PTPRA: variants seen among roughly 807,000 people sequenced by gnomAD.
PTPRA encodes protein tyrosine phosphatase receptor type A.
In PTPRA, 25 loss-of-function variants were observed where a neutral mutation model predicts 104.8. The observed-to-expected ratio is 0.24, with a 90% confidence interval of 0.17 to 0.33. The LOEUF is 0.33. PTPRA is among the 10% of genes least tolerant of loss of function. The pLI, the probability that PTPRA is intolerant of heterozygous loss-of-function variation, is 1.00. For synonymous variants in PTPRA, 323 were observed against 368.9 expected (o/e 0.88, Z 1.43); for missense variants, 765 against 1,015.3 (o/e 0.75, Z 3.35).
chr20:2,969,584 GCGGCT>G (rs1241454518), intron 5 of PTPRA, among the ~76,000 whole-genome samples: 4 of 142,228 alleles, frequency 2.8e-5, no homozygotes, highest in East Asian at 2.3e-4. Flanking sequence ...GCCGGGCGCG[GCGGCT>G]CATGCCTGTA....
chr20:3,031,661 G>A (rs1042556836), intron 20 of PTPRA, among the ~76,000 whole-genome samples: 2 of 152,002 alleles, frequency 1.3e-5, no homozygotes, highest in Non-Finnish European at 2.9e-5. Flanking sequence ...TCCCACCTCA[G>A]TATTCTCTTT....
At position 3,035,483 on chromosome 20, in the gene PTPRA, T is replaced by A; in HGVS notation, c.1921-102T>A. On this transcript the variant is annotated intron_variant, in intron 20 of 23. Transcript: ENST00000399903. The surrounding 1 kb of genome is among the most constrained non-coding windows in gnomAD (Gnocchi z 5.8). Reference sequence around the variant, plus strand: ...ACCTTGGGGACGAAGCGTATCAGCGTAAGAGGTGGCTGTACTGAGAGGGGT... The same window carrying A: ...ACCTTGGGGACGAAGCGTATCAGCGAAAGAGGTGGCTGTACTGAGAGGGGT... 1.5e-6 allele frequency: 2 copies of A among 1,356,570 alleles called. No homozygotes were observed. The highest frequency in any genetic ancestry group is 2.0e-6 in the Non-Finnish European group (2 of 978,570). 84.0% of individuals were successfully genotyped at this position (1,356,570 alleles called of 1,614,324 possible).
the PTPRA span, chr20:2,865,520 C>T: frequency 8.7e-6 from 14 of 1,604,508 alleles, no homozygotes; most frequent in East Asian, 1.8e-4. This position sits in a 1 kb window ranked among gnomAD's most constrained non-coding sequence, Gnocchi z 5.2. Flanking sequence ...TCCCTCCAGC[C>T]CACTTCCAGT....
intron 13 of PTPRA, among the ~76,000 whole-genome samples, chr20:3,018,832 G>A (rs2064625379): frequency 2.5e-5 from 3 of 119,450 alleles, no homozygotes; most frequent in African/African-American, 3.8e-5. Flanking sequence ...CTCCCGGACA[G>A]GGCGGCTGGC....
chr20:2,896,571 C>T (rs1248562726), intron 1 of PTPRA, among the ~76,000 whole-genome samples: 1 of 152,132 alleles, frequency 6.6e-6, no homozygotes, highest in Non-Finnish European at 1.5e-5. Context: ...TTTTCTGAAT[C>T]ATTTGAGAAA....
At chr20:2,992,446 G>A (rs1377711640) in intron 9 of PTPRA, among the ~76,000 whole-genome samples, 4 of 152,154 alleles carry the variant, frequency 2.6e-5, no homozygotes, top group African/African-American at 9.7e-5. Context: ...GAACCCGGGA[G>A]GCAGAGGTTG....
intron 1 of PTPRA, among the ~76,000 whole-genome samples, chr20:2,877,517 C>T (rs1191780443): frequency 6.6e-6 from 1 of 152,132 alleles, no homozygotes; most frequent in African/African-American, 2.4e-5. Flanking sequence ...TCTTGGCCTC[C>T]CAAAGTCCTG....
At position 2,897,437 on chromosome 20, in the gene PTPRA, G is replaced by A. The variant is rs541127066; in HGVS notation, c.-129+23677G>A. On this transcript the variant is annotated intron_variant, in intron 1 of 23. Transcript: ENST00000399903. The stretch of plus-strand genomic sequence containing the variant: ...GAGTCTCGCTTTGTCACCCAGGCTG[G>A]AGTGCAATGGCGTGATCTCGTCTCA... Among the ~76,000 whole-genome samples, 5 of 146,146 alleles carry A rather than the reference G, an allele frequency of 3.4e-5. 1 individual carries two copies. Among genetic ancestry groups the A allele is most frequent in the African/African-American group, 1.3e-4 (5 of 38,740 alleles).
rs780404964 is a variant in PTPRA at position 3,038,081 on chromosome 20, A to G, written c.2357A>G (p.Lys786Arg). The G allele has an allele frequency of 5.6e-6, 9 of 1,613,262 alleles. No homozygotes were observed. The South Asian group carries it at 6.6e-5, about 12-fold the overall frequency. ...CAGGAACAGTATGAGTTCTGCTACA[A>G]GGTGGTGCAGGAGTATATTGATGCA... ...QTLEQYEFCY[K>R]VVQEYIDAFS... The change falls in exon 24 of 24, where the codon AAG becomes AGG. Residue 786 changes from lysine (K) to arginine (R), a missense_variant. Coordinates refer to ENST00000399903, the MANE Select transcript of PTPRA (RefSeq NM_001385305.1).
chr20:2,959,202 A>C (rs1051662262), intron 3 of PTPRA, among the ~76,000 whole-genome samples: 2 of 152,090 alleles, frequency 1.3e-5, no homozygotes, highest in African/African-American at 4.8e-5. Flanking sequence ...ACGCATACCA[A>C]TTCTCTCCAC....
intron 2 of PTPRA, among the ~76,000 whole-genome samples, chr20:2,941,872 G>A (rs2060937214): frequency 6.6e-6 from 1 of 152,098 alleles, no homozygotes; most frequent in South Asian, 2.1e-4. Flanking sequence ...GGCCTTGGCT[G>A]AGCTCCCTGA....
intron 3 of PTPRA, among the ~76,000 whole-genome samples, chr20:2,964,023 G>A (rs1243675604): frequency 3.3e-5 from 5 of 152,208 alleles, no homozygotes; most frequent in Admixed American, 6.5e-5. Flanking sequence ...CTGGGCAACA[G>A]AGCAAGACCC....
chr20:2,930,184 A>C (rs1430443294), intron 2 of PTPRA, among the ~76,000 whole-genome samples: 5 of 152,192 alleles, frequency 3.3e-5, no homozygotes, highest in African/African-American at 1.2e-4. Context: ...AGCATTTGGT[A>C]AATTATTATG....
At chr20:2,941,220 G>A (rs2060907818) in intron 2 of PTPRA, among the ~76,000 whole-genome samples, 1 of 151,990 alleles carries the variant, frequency 6.6e-6, no homozygotes, top group African/African-American at 2.4e-5. Context: ...TAGTAGAGAT[G>A]GGGTTTCACC....
intron 9 of PTPRA, among the ~76,000 whole-genome samples, chr20:3,001,534 G>C (rs1212582791): frequency 6.6e-6 from 1 of 152,194 alleles, no homozygotes; most frequent in East Asian, 1.9e-4. Context: ...CTCTGGATTA[G>C]CCATCAGGGC....
intron 1 of PTPRA, among the ~76,000 whole-genome samples, chr20:2,886,395 G>A (rs145689661): frequency 1.3e-5 from 2 of 152,134 alleles, no homozygotes; most frequent in East Asian, 1.9e-4. Flanking sequence ...ATTGCCATAC[G>A]TTGATAATTA....
intron 1 of PTPRA, among the ~76,000 whole-genome samples, chr20:2,878,420 G>C (rs1394573244): frequency 6.6e-6 from 1 of 152,086 alleles, no homozygotes; most frequent in Non-Finnish European, 1.5e-5. Context: ...ATGTTGCCCA[G>C]GCTAGTCTTG....
intron 1 of PTPRA, among the ~76,000 whole-genome samples, chr20:2,909,351 T>C (rs1369208087): frequency 6.6e-6 from 1 of 151,812 alleles, no homozygotes; most frequent in East Asian, 1.9e-4. Context: ...TCCCAGCACT[T>C]TGGGAGGCTG....
chr20:2,999,889 TAAAG>T (rs1234039183), intron 9 of PTPRA, among the ~76,000 whole-genome samples: 1 of 151,994 alleles, frequency 6.6e-6, no homozygotes, highest in Non-Finnish European at 1.5e-5. Context: ...AATGATACCA[TAAAG>T]AAGATGAAAG....
Sources: gnomAD v4.1 joint callset for allele counts (sites outside exome capture counted in the v4.1 genomes callset) on GRCh38, gnomAD v4.1.1 for gene constraint, Gnocchi (gnomAD v3.1) non-coding constraint, MANE v1.5 for transcripts, NCBI Gene and HGNC (gene_info 2026-07-23, HGNC 2026-07-21) for gene names.